The following NCKAP1 variants were observed in gnomAD, a reference collection of about 807,000 sequenced individuals.
The protein encoded by NCKAP1 is nck-associated protein 1.
Under a neutral mutation model 151.2 loss-of-function variants are expected in NCKAP1, and 21 were observed. The ratio of observed to expected loss-of-function variants is 0.14; its 90% CI spans 0.10 to 0.20. The LOEUF is 0.20. Ranked by LOEUF, NCKAP1 falls within the 10% of genes least tolerant of loss-of-function variation. The pLI, the probability that NCKAP1 is intolerant of heterozygous loss-of-function variation, is 1.00. For missense variants in NCKAP1, 933 were observed against 1,352.1 expected (o/e 0.69, Z 4.86); for synonymous variants, 484 against 451.8 (o/e 1.07, Z -0.90).
At chr2:183,019,417 T>C (rs1251696005) in intron 2 of NCKAP1, among the ~76,000 whole-genome samples, 1 of 152,206 alleles carries the variant, frequency 6.6e-6, no homozygotes, top group Admixed American at 6.5e-5. Flanking sequence ...AACATTTGCT[T>C]ACATTGCCTT....
intron 17 of NCKAP1, among the ~76,000 whole-genome samples, chr2:182,964,298 T>G (rs933999203): frequency 6.6e-6 from 1 of 152,106 alleles, no homozygotes; most frequent in Admixed American, 6.5e-5. Flanking sequence ...GAATCTCTCT[T>G]TGACTTGTTT....
At chr2:183,030,519 C>T (rs1479771565) in intron 1 of NCKAP1, among the ~76,000 whole-genome samples, 1 of 152,136 alleles carries the variant, frequency 6.6e-6, no homozygotes, top group Non-Finnish European at 1.5e-5. Context: ...AGTGAGAATG[C>T]TATTCGTGAG....
At position 182,923,727 on chromosome 2, in the gene NCKAP1, G is replaced by T. The variant is rs4666870; in HGVS notation, c.*1975C>A. 2 of 152,164 alleles carry T rather than the reference G, an allele frequency of 1.3e-5. No homozygotes were observed. Among genetic ancestry groups the T allele is most frequent in the Non-Finnish European group, 1.5e-5 (1 of 68,054 alleles). 9.4% of individuals were successfully genotyped at this position (152,164 alleles called of 1,614,324 possible). A position where few individuals can be genotyped will look rare whatever the true frequency, so the allele number is the denominator to read the frequency against. ...AACAACAAAAATAGTATGTTGTTGT[G>T]TAAGTTTAGAAGAAAATAAAACAAA... On this transcript the variant is annotated 3_prime_UTR_variant, in exon 31 of 31. Coordinates refer to ENST00000361354, the MANE Select transcript of NCKAP1 (RefSeq NM_013436.5).
intron 2 of NCKAP1, among the ~76,000 whole-genome samples, chr2:183,018,203 T>C (rs1164938828): frequency 6.6e-6 from 1 of 152,004 alleles, no homozygotes; most frequent in African/African-American, 2.4e-5. Context: ...GCCAAGATTA[T>C]GCCATTGCAC....
chr2:182,941,317 C>A (rs911204810), intron 24 of NCKAP1, among the ~76,000 whole-genome samples: 2 of 152,114 alleles, frequency 1.3e-5, no homozygotes, highest in Admixed American at 6.5e-5. Context: ...TGTGATTTCA[C>A]AATATACCTC....
intron 23 of NCKAP1, among the ~76,000 whole-genome samples, chr2:182,947,397 G>C (rs911142039): frequency 2.6e-5 from 4 of 152,110 alleles, no homozygotes; most frequent in African/African-American, 9.7e-5. Context: ...CTAGGTTTTT[G>C]ACTACTGACA....
chr2:182,958,450 A>G lies in NCKAP1; in HGVS notation c.1882-854T>C, dbSNP rs1575030140. Among the ~76,000 whole-genome samples the G allele has an allele frequency of 2.0e-5, 3 of 152,144 alleles. No individual in the cohort carries two copies. The East Asian group carries it at 5.8e-4, about 29-fold the overall frequency. Reference sequence around the variant, plus strand: ...TGAGCCACCATGCCTGGCCATGAAGAGGTAATTTTCTAAGGATAACTCTGA... The same window carrying G: ...TGAGCCACCATGCCTGGCCATGAAGGGGTAATTTTCTAAGGATAACTCTGA... On this transcript the variant is annotated intron_variant, in intron 18 of 30. Transcript: ENST00000361354.
chr2:182,994,976 C>G, intron 7 of NCKAP1, 89 bp from the exon 8 acceptor site: 1 of 1,048,832 alleles, frequency 9.5e-7, no homozygotes, highest in Non-Finnish European at 1.4e-6. Flanking sequence ...CTCCTGATAA[C>G]TTACTACCCA....
chr2:182,962,093 G>T, intron 18 of NCKAP1, 66 bp downstream of exon 18: 2 of 1,513,418 alleles, frequency 1.3e-6, no homozygotes, highest in South Asian at 2.6e-5. Flanking sequence ...ACAACAACTG[G>T]CTAAAAGCAC....
At chr2:182,992,861 C>G (rs1698196608) in intron 8 of NCKAP1, among the ~76,000 whole-genome samples, 1 of 152,024 alleles carries the variant, frequency 6.6e-6, no homozygotes, top group Admixed American at 6.5e-5. Flanking sequence ...ACTTAATAAT[C>G]TGTTAGACTG....
intron 26 of NCKAP1, among the ~76,000 whole-genome samples, chr2:182,932,362 T>C (rs1696783581): frequency 6.6e-6 from 1 of 152,106 alleles, no homozygotes; most frequent in Non-Finnish European, 1.5e-5. Context: ...GAAGCCAGTA[T>C]CAGAAGACTA....
intron 2 of NCKAP1, among the ~76,000 whole-genome samples, chr2:183,006,346 A>C (rs1312839484): frequency 6.6e-6 from 1 of 152,252 alleles, no homozygotes; most frequent in Admixed American, 6.5e-5. Context: ...TGTACATTAA[A>C]TATTAAGTGA....
At chr2:182,952,353 T>C in intron 23 of NCKAP1, 52 bp downstream of exon 23, 1 of 1,177,862 alleles carries the variant, frequency 8.5e-7, no homozygotes, top group Non-Finnish European at 1.2e-6. Context: ...ATCCCTGAAA[T>C]GTTTTTCAGG....
chr2:182,954,958 G>C (rs2105824921), intron 20 of NCKAP1, among the ~76,000 whole-genome samples: 1 of 152,106 alleles, frequency 6.6e-6, no homozygotes, highest in African/African-American at 2.4e-5. Flanking sequence ...GCTGTACACT[G>C]AACTCTCCCT....
At chr2:182,977,739 C>A (rs922894227) in intron 14 of NCKAP1, among the ~76,000 whole-genome samples, 6 of 152,018 alleles carry the variant, frequency 3.9e-5, no homozygotes, top group Non-Finnish European at 8.8e-5. Context: ...GTTCAATAAT[C>A]ATTAAAAGAA....
At chr2:182,939,228 A>G (rs76548031) in intron 24 of NCKAP1, among the ~76,000 whole-genome samples, 6,442 of 152,206 alleles carry the variant, frequency 0.042, 133 homozygotes, top group Middle Eastern at 0.051. Flanking sequence ...GTCACATAGA[A>G]GTCTTAAAAC....
At chr2:182,972,498 T>C (rs1697720823) in intron 15 of NCKAP1, among the ~76,000 whole-genome samples, 1 of 152,142 alleles carries the variant, frequency 6.6e-6, no homozygotes, top group African/African-American at 2.4e-5. Flanking sequence ...GAGCCGCTAT[T>C]GAAAACAGTA....
chr2:183,000,851 G>A (rs924646951), intron 6 of NCKAP1, among the ~76,000 whole-genome samples: 4 of 152,092 alleles, frequency 2.6e-5, no homozygotes, highest in African/African-American at 9.7e-5. Context: ...CTAGCACTTC[G>A]GGAAGCTGAG....
At chr2:182,952,987 CATT>C in intron 21 of NCKAP1, 64 bp from the exon 22 acceptor site, 2 of 1,520,556 alleles carry the variant, frequency 1.3e-6, no homozygotes, top group Non-Finnish European at 1.8e-6. Flanking sequence ...TCATGATATA[CATT>C]CCTGCATATA....
Sources: allele counts gnomAD v4.1 joint callset (sites outside exome capture counted in the v4.1 genomes callset), GRCh38; gene constraint gnomAD v4.1.1; transcripts MANE v1.5; gene names NCBI Gene and HGNC (gene_info 2026-07-23, HGNC 2026-07-21).